The following SLC37A2 variants were observed in gnomAD, a reference collection of about 807,000 sequenced individuals.
SLC37A2 encodes the protein glucose-6-phosphate exchanger SLC37A2.
Under a neutral mutation model 70.7 loss-of-function variants are expected in SLC37A2, and 59 were observed. The ratio of observed to expected loss-of-function variants is 0.83; its 90% CI spans 0.68 to 1.04. SLC37A2 has a LOEUF of 1.04. Ranked by LOEUF, SLC37A2 falls within the 50% of genes least tolerant of loss-of-function variation. The pLI is 0.00. For synonymous variants in SLC37A2, 257 were observed against 262.1 expected (o/e 0.98, Z 0.19); for missense variants, 580 against 658.1 (o/e 0.88, Z 1.30).
chr11:125,085,586 TG>T lies in SLC37A2; in HGVS notation c.1341del (p.Pro448LeufsTer25). The stretch of plus-strand genomic sequence containing the variant: ...GCTGTGCTCCATTCAGGTGCGGCTC[TG>T]GGGCCTCTGCTGGCTGGGCTCATCT... ...IDGTGSIGAA[L>X]GPLLAGLISP... is the part of the protein sequence containing the mutation. On this transcript the variant is annotated frameshift_variant, in exon 16 of 18. Coordinates refer to ENST00000403796, the MANE Select transcript of SLC37A2 (RefSeq NM_001145290.2). LOFTEE classifies it high-confidence loss of function. 1 of 1,613,892 alleles carries T rather than the reference TG, an allele frequency of 6.2e-7. No individual in the cohort carries two copies.
At chr11:125,070,803 C>A (rs903543080) in intron 1 of SLC37A2, among the ~76,000 whole-genome samples, 1 of 152,184 alleles carries the variant, frequency 6.6e-6, no homozygotes, top group Non-Finnish European at 1.5e-5. Flanking sequence ...AGCAGCTTCT[C>A]CCCCAGCTGC....
chr11:125,085,206 G>A, intron 14 of SLC37A2, 67 bp downstream of exon 14: 1 of 1,488,164 alleles, frequency 6.7e-7, no homozygotes, highest in Non-Finnish European at 9.3e-7. Flanking sequence ...ACCATCTCCA[G>A]GTCCATTTCT....
intron 9 of SLC37A2, 38 bp from the exon 10 acceptor site, chr11:125,082,206 T>C (rs1473831177): frequency 1.2e-6 from 2 of 1,603,682 alleles, no homozygotes; most frequent in Admixed American, 3.3e-5. Context: ...CCAGGACCTC[T>C]GGACCCCTTC....
At chr11:125,071,274 C>T (rs946221090) in intron 1 of SLC37A2, among the ~76,000 whole-genome samples, 17 of 152,198 alleles carry the variant, frequency 1.1e-4, no homozygotes, top group African/African-American at 2.7e-4. Context: ...ATCATCAACA[C>T]GCTTCCATCA....
Position 125,088,478 on chromosome 11 carries a change from G to A in SLC37A2, c.*344G>A, listed in dbSNP as rs923869482. 3.8e-5 allele frequency: 10 copies of A among 260,182 alleles called. No homozygotes were observed. In the East Asian group the frequency reaches 5.8e-4, roughly 15 times the overall value. 16.1% of individuals were successfully genotyped at this position (260,182 alleles called of 1,614,324 possible). On this transcript the variant is annotated 3_prime_UTR_variant, in exon 18 of 18. Coordinates refer to ENST00000403796, the MANE Select transcript of SLC37A2 (RefSeq NM_001145290.2). The stretch of plus-strand genomic sequence containing the variant: ...AGACAGAAGGCTTCACAAGGCCAAC[G>A]CCTGGAAAATGGGCATCTCTCCTTC...
chr11:125,081,284 T>C, intron 7 of SLC37A2, 137 bp from the exon 8 acceptor site: 1 of 803,886 alleles, frequency 1.2e-6, no homozygotes, highest in Non-Finnish European at 2.0e-6. Context: ...GGACACACAC[T>C]GGCCACCTTA....
At chr11:125,078,799 CCT>C (rs1285750771) in intron 4 of SLC37A2, among the ~76,000 whole-genome samples, 45 of 73,458 alleles carry the variant, frequency 6.1e-4, no homozygotes, top group African/African-American at 3.2e-3. Context: ...GCATGTGATG[CCT>C]GTGGAGCTAT....
Position 125,063,577 on chromosome 11 carries a change from C to T in SLC37A2, c.59+151C>T. ...GGGACTTGGTCCCGAGCTCCTCCAGCGGCGCCCGCCTCGGAGGTTGATAAC... is the reference window on the plus strand; with the variant it reads ...GGGACTTGGTCCCGAGCTCCTCCAGTGGCGCCCGCCTCGGAGGTTGATAAC... On this transcript the variant is annotated intron_variant, in intron 1 of 17. Transcript: ENST00000403796. This position sits in a 1 kb window ranked among gnomAD's most constrained non-coding sequence, Gnocchi z 5.4. 2.9e-6 allele frequency: 2 copies of T among 682,574 alleles called. No individual in the cohort carries two copies. The highest frequency in any genetic ancestry group is 4.7e-6 in the Non-Finnish European group (2 of 427,816). The allele number at this position is 682,574 out of a possible 1,614,324, so 42.3% of individuals were successfully genotyped here.
At chr11:125,085,770 T>C (rs1344277527) in intron 16 of SLC37A2, 96 bp downstream of exon 16, 6 of 1,407,314 alleles carry the variant, frequency 4.3e-6, no homozygotes, top group Admixed American at 1.7e-5. Flanking sequence ...TTTGGGGTTC[T>C]GGGGCAATGA....
intron 4 of SLC37A2, 146 bp downstream of exon 4, chr11:125,077,674 G>A (rs1276486559): frequency 3.2e-6 from 2 of 622,348 alleles, no homozygotes; most frequent in Non-Finnish European, 5.5e-6. Flanking sequence ...CCTTACCGCG[G>A]TCGCAGAGAC....
In SLC37A2 at chr11:125,066,963, C is replaced by CTATTTTATTTTATTTTATTTTATTT. The variant is rs67287584; in HGVS notation, c.59+3544_59+3568dup. Among the ~76,000 whole-genome samples, 305 of 150,734 alleles carry CTATTTTATTTTATTTTATTTTATTT rather than the reference C, an allele frequency of 2.0e-3. 1 individual carries two copies. The highest frequency in any genetic ancestry group is 7.1e-3 in the African/African-American group (289 of 40,768). On this transcript the variant is annotated intron_variant, in intron 1 of 17. Coordinates refer to ENST00000403796, the MANE Select transcript of SLC37A2 (RefSeq NM_001145290.2). ...AAGAAGGAAAGTTGCAGCCTAGTAA[C>CTATTTTATTTTATTTTATTTTATTT]TATTTTATTTTATTTTATTTTATTT...
intron 17 of SLC37A2, chr11:125,087,907 C>T (rs7929462): frequency 0.54 from 285,646 of 527,668 alleles, 83,547 homozygotes; most frequent in East Asian, 0.95. Context: ...GCTGGGATTA[C>T]AGGTGTGAGC....
At chr11:125,085,541 G>A (rs1949201356) in intron 15 of SLC37A2, 36 bp from the exon 16 acceptor site, 1 of 1,613,456 alleles carries the variant, frequency 6.2e-7, no homozygotes, top group Non-Finnish European at 8.5e-7. Context: ...CAGGGGAGGT[G>A]CAGGACCCCT....
chr11:125,080,407 G>A lies in SLC37A2; in HGVS notation c.528-207G>A, dbSNP rs566966649. Reference sequence around the variant, plus strand: ...CACTCACTCAGGGAGCTGGGCAGGCGGAGCGAGACCACAGGCCCTGCAGCC... The same window carrying A: ...CACTCACTCAGGGAGCTGGGCAGGCAGAGCGAGACCACAGGCCCTGCAGCC... On this transcript the variant is annotated intron_variant, in intron 6 of 17. Coordinates refer to ENST00000403796, the MANE Select transcript of SLC37A2 (RefSeq NM_001145290.2). This position sits in a 1 kb window ranked among gnomAD's most constrained non-coding sequence, Gnocchi z 4.3. Among the ~76,000 whole-genome samples the A allele has an allele frequency of 2.2e-4, 33 of 152,276 alleles. No homozygotes were observed. The highest frequency in any genetic ancestry group is 7.5e-4 in the African/African-American group (31 of 41,546).
rs1468071374 is a variant in SLC37A2, at chr11:125,083,800, C to T, written c.977-15C>T. On this transcript the variant is annotated splice_polypyrimidine_tract_variant and intron_variant, in intron 10 of 17. Transcript: ENST00000403796. This position sits in a 1 kb window ranked among gnomAD's most constrained non-coding sequence, Gnocchi z 4.6. Reference sequence around the variant, plus strand: ...CCAAACCCCAGGTCTGACCACATACCTGTATTTTCCACAGCTCACTTTAGT... The same window carrying T: ...CCAAACCCCAGGTCTGACCACATACTTGTATTTTCCACAGCTCACTTTAGT... 2.5e-6 allele frequency: 4 copies of T among 1,613,628 alleles called. No homozygotes were observed. Among genetic ancestry groups the T allele is most frequent in the Non-Finnish European group, 3.4e-6 (4 of 1,179,516 alleles).
chr11:125,074,041 G>C (rs1342192598), intron 1 of SLC37A2, among the ~76,000 whole-genome samples: 1 of 152,142 alleles, frequency 6.6e-6, no homozygotes, highest in African/African-American at 2.4e-5. Flanking sequence ...TTCCCAGCCA[G>C]CTCTGCTTCT....
chr11:125,074,090 A>G (rs1441890218), intron 1 of SLC37A2, among the ~76,000 whole-genome samples: 1 of 152,098 alleles, frequency 6.6e-6, no homozygotes, highest in African/African-American at 2.4e-5. Flanking sequence ...ACCCCCACTG[A>G]GGCGGAGTTC....
At chr11:125,073,595 C>G (rs1280427703) in intron 1 of SLC37A2, among the ~76,000 whole-genome samples, 2 of 152,262 alleles carry the variant, frequency 1.3e-5, no homozygotes, top group African/African-American at 4.8e-5. Context: ...TGGTTAGGTG[C>G]ATCTCACTAA....
rs748783804 is a variant in SLC37A2, at chr11:125,082,324, C to T, written c.966C>T (p.Ile322=). ...YTFLYWLPLY[I]ANVAHFSAKE... is the part of the protein sequence containing the mutation. ...TCCTCTACTGGCTGCCCCTCTACAT[C>T]GCCAATGTGGGTAAGTCCAAGAGAA... Residue 322 remains isoleucine, a synonymous_variant, in exon 10 of 18, where the codon ATC becomes ATT. Transcript: ENST00000403796. 2.9e-5 allele frequency: 46 copies of T among 1,613,724 alleles called. No individual in the cohort carries two copies. The highest frequency in any genetic ancestry group is 1.6e-4 in the Middle Eastern group (1 of 6,076).
Sources: gnomAD v4.1 joint callset for allele counts (sites outside exome capture counted in the v4.1 genomes callset) on GRCh38, gnomAD v4.1.1 for gene constraint, Gnocchi (gnomAD v3.1) non-coding constraint, MANE v1.5 for transcripts, NCBI Gene and HGNC (gene_info 2026-07-23, HGNC 2026-07-21) for gene names.